Variants in ASTN2 observed in about 807,000 individuals in gnomAD.
ASTN2 encodes the protein astrotactin 2.
Under a neutral mutation model 139.8 loss-of-function variants are expected in ASTN2, and 54 were observed. The observed-to-expected ratio is 0.39, with a 90% CI of 0.31 to 0.48. ASTN2 has a LOEUF of 0.48. ASTN2 is among the 20% of genes least tolerant of loss of function. ASTN2 has a pLI of 0.95. For synonymous variants in ASTN2, 756 were observed against 719.5 expected (o/e 1.05, Z -0.81); for missense variants, 1,565 against 1,725.1 (o/e 0.91, Z 1.64).
At chr9:116,579,844 AAG>A (rs1046687947) in intron 19 of ASTN2, among the ~76,000 whole-genome samples, 2 of 151,954 alleles carry the variant, frequency 1.3e-5, no homozygotes, top group Non-Finnish European at 2.9e-5. Context: ...TTTTTTTTTG[AAG>A]AGTCTTGCTC....
chr9:117,358,459 G>C (rs1829604926), intron 1 of ASTN2, among the ~76,000 whole-genome samples: 1 of 151,866 alleles, frequency 6.6e-6, no homozygotes, highest in African/African-American at 2.4e-5. Flanking sequence ...TCTGATTTTG[G>C]GCCTGATAGC....
intron 1 of ASTN2, among the ~76,000 whole-genome samples, chr9:117,362,732 T>C (rs905862738): frequency 1.3e-5 from 2 of 152,158 alleles, no homozygotes; most frequent in African/African-American, 4.8e-5. Context: ...GTGCCCCATA[T>C]CTGGGCAATC....
At chr9:116,884,502 T>C (rs1833538325) in intron 10 of ASTN2, among the ~76,000 whole-genome samples, 1 of 152,118 alleles carries the variant, frequency 6.6e-6, no homozygotes, top group African/African-American at 2.4e-5. Flanking sequence ...TCTGTGCCTA[T>C]GTGTTAATCT....
intron 13 of ASTN2, among the ~76,000 whole-genome samples, chr9:116,741,874 A>G (rs4836838): frequency 0.55 from 84,136 of 151,972 alleles, 24,361 homozygotes; most frequent in Admixed American, 0.66. Flanking sequence ...TATGCATCAT[A>G]GTTTAAGTTC....
chr9:116,476,605 C>A (rs1848989708), intron 20 of ASTN2, among the ~76,000 whole-genome samples: 1 of 152,190 alleles, frequency 6.6e-6, no homozygotes, highest in Admixed American at 6.5e-5. Context: ...AAGTGCCTAC[C>A]TTACTGTGAG....
intron 6 of ASTN2, among the ~76,000 whole-genome samples, chr9:117,026,993 T>G (rs1838107979): frequency 6.6e-6 from 1 of 152,172 alleles, no homozygotes. Context: ...AGTGAGATTC[T>G]GTAGCCCAGA....
At chr9:116,809,844 AT>A (rs747867607) in intron 12 of ASTN2, among the ~76,000 whole-genome samples, 3 of 152,154 alleles carry the variant, frequency 2.0e-5, no homozygotes, top group Non-Finnish European at 4.4e-5. Flanking sequence ...CTGGACTTAC[AT>A]GTCTAAGCCT....
At chr9:117,282,644 A>T (rs1834353070) in intron 2 of ASTN2, among the ~76,000 whole-genome samples, 1 of 149,532 alleles carries the variant, frequency 6.7e-6, no homozygotes, top group African/African-American at 2.6e-5. Context: ...ATGTGAGAGA[A>T]CCCACATCTG....
chr9:116,875,210 A>C (rs1312582096), intron 10 of ASTN2, among the ~76,000 whole-genome samples: 1 of 152,234 alleles, frequency 6.6e-6, no homozygotes, highest in African/African-American at 2.4e-5. Context: ...GCAAAGAAAA[A>C]GTTCTTAAAG....
chr9:116,606,154 G>T (rs541921275), intron 19 of ASTN2, among the ~76,000 whole-genome samples: 1 of 152,098 alleles, frequency 6.6e-6, no homozygotes, highest in South Asian at 2.1e-4. Context: ...ACAGATTAGC[G>T]TGCGGGGCAT....
In ASTN2 at chr9:116,565,255, CACAT is replaced by C. The variant is rs1554714072; in HGVS notation, c.3355+53065_3355+53068del. Among the ~76,000 whole-genome samples the C allele has an allele frequency of 1.9e-3, 207 of 111,044 alleles. 2 individuals are homozygous for C. Among genetic ancestry groups the C allele is most frequent in the Middle Eastern group, 9.2e-3 (2 of 218 alleles). 72.8% of individuals were successfully genotyped at this position (111,044 alleles called of 152,430 possible). ...ACACACACACACACACACACACACA[CACAT>C]ATGCCCCATACTGAGGAGATTAACA... On this transcript the variant is annotated intron_variant, in intron 19 of 22. Transcript: ENST00000313400.
chr9:116,956,850 A>T (rs1372342471), intron 10 of ASTN2, among the ~76,000 whole-genome samples: 1 of 152,244 alleles, frequency 6.6e-6, no homozygotes, highest in African/African-American at 2.4e-5. Context: ...AGAATGAAAT[A>T]CTTAGATTTA....
At chr9:116,546,672 A>G (rs2119379503) in intron 19 of ASTN2, 1 of 152,358 alleles carries the variant, frequency 6.6e-6, no homozygotes, top group Non-Finnish European at 1.5e-5. Context: ...ACATTATAAT[A>G]GAATGGGGAA....
rs568718084 is a variant in ASTN2 at position 116,587,863 on chromosome 9, G to A, written c.3355+30461C>T. On this transcript the variant is annotated intron_variant, in intron 19 of 22. Coordinates refer to ENST00000313400, the MANE Select transcript of ASTN2 (RefSeq NM_001365068.1). Reference sequence around the variant, plus strand: ...AAGGCAGGAGATGCTCATATTCTATGCCCAGGCCCTTTGAGAGAAGCATTC... The same window carrying A: ...AAGGCAGGAGATGCTCATATTCTATACCCAGGCCCTTTGAGAGAAGCATTC... Among the ~76,000 whole-genome samples the A allele has an allele frequency of 4.7e-4, 71 of 152,220 alleles. No individual in the cohort carries two copies. The East Asian group carries it at 0.013, about 28-fold the overall frequency.
At position 117,186,533 on chromosome 9, in the gene ASTN2, C is replaced by T. The variant is rs367558521; in HGVS notation, c.1015+27825G>A. Among the ~76,000 whole-genome samples, 20 of 151,068 alleles carry T rather than the reference C, an allele frequency of 1.3e-4. 1 individual carries two copies. The East Asian group carries it at 2.4e-3, about 18-fold the overall frequency. On this transcript the variant is annotated intron_variant, in intron 3 of 22. Coordinates refer to ENST00000313400, the MANE Select transcript of ASTN2 (RefSeq NM_001365068.1). ...CTGCACTCCAGCCTGGGCAACAGAG[C>T]GAGACTCTGTCTCAAAAAAATAAAT...
chr9:116,484,276 C>G (rs1849265770), intron 20 of ASTN2, among the ~76,000 whole-genome samples: 1 of 152,174 alleles, frequency 6.6e-6, no homozygotes, highest in African/African-American at 2.4e-5. Flanking sequence ...AAAGTCAACT[C>G]TCTTCCCTAC....
intron 19 of ASTN2, among the ~76,000 whole-genome samples, chr9:116,490,315 TGGTGAG>T (rs1849478890): frequency 3.8e-5 from 2 of 52,024 alleles, no homozygotes; most frequent in South Asian, 5.7e-4. Flanking sequence ...GGGGCATTGG[TGGTGAG>T]GGTGAGGGTA....
intron 3 of ASTN2, among the ~76,000 whole-genome samples, chr9:117,158,892 C>G (rs551359569): frequency 3.5e-4 from 53 of 152,080 alleles, no homozygotes; most frequent in African/African-American, 1.3e-3. Context: ...AGACATTGCA[C>G]TCACTCTGAT....
chr9:116,844,600 A>G (rs1056626705), intron 11 of ASTN2, among the ~76,000 whole-genome samples: 1 of 144,590 alleles, frequency 6.9e-6, no homozygotes, highest in Non-Finnish European at 1.5e-5. Flanking sequence ...GCTACGGAGG[A>G]AAAAAAAAAA....
Sources: allele counts gnomAD v4.1 joint callset (sites outside exome capture counted in the v4.1 genomes callset), GRCh38; gene constraint gnomAD v4.1.1; transcripts MANE v1.5; gene names NCBI Gene and HGNC (gene_info 2026-07-23, HGNC 2026-07-21).